Variants in C2CD3 observed in about 807,000 individuals in gnomAD.
The protein encoded by C2CD3 is C2 domain-containing protein 3.
C2CD3 carries 148 observed loss-of-function variants against 234.0 expected under a neutral mutation model. The observed-to-expected ratio is 0.63, with a 90% CI of 0.55 to 0.72. The LOEUF (loss-of-function observed/expected upper bound fraction) is 0.72, where lower values mean the gene tolerates loss of function less well. C2CD3 is among the 30% of genes least tolerant of loss of function. C2CD3 has a pLI of 0.00. For missense variants in C2CD3, 2,577 were observed against 2,811.5 expected (o/e 0.92, Z 1.89); for synonymous variants, 1,000 against 1,035.4 (o/e 0.97, Z 0.66).
chr11:74,153,747 G>C (rs1855833446), intron 3 of C2CD3, among the ~76,000 whole-genome samples: 1 of 152,042 alleles, frequency 6.6e-6, no homozygotes, highest in Non-Finnish European at 1.5e-5. Flanking sequence ...TTTTCAATAA[G>C]AACAAAATTA....
At chr11:74,145,759 C>T (rs1270662399) in intron 3 of C2CD3, among the ~76,000 whole-genome samples, 1 of 152,156 alleles carries the variant, frequency 6.6e-6, no homozygotes, top group Non-Finnish European at 1.5e-5. Flanking sequence ...CAATCTTCCG[C>T]ATATAGCTAG....
At chr11:74,149,368 A>T (rs67802778) in intron 3 of C2CD3, among the ~76,000 whole-genome samples, 2,176 of 103,010 alleles carry the variant, frequency 0.021, 55 homozygotes, top group African/African-American at 0.09. Context: ...TAAAAAAAAA[A>T]TTTTTTTTTC....
intron 3 of C2CD3, among the ~76,000 whole-genome samples, chr11:74,149,216 TA>T (rs1299134733): frequency 6.6e-6 from 1 of 152,206 alleles, no homozygotes; most frequent in Non-Finnish European, 1.5e-5. Flanking sequence ...GCCAATATAG[TA>T]AACACTGATT....
chr11:74,091,644 T>C (rs944003192), intron 19 of C2CD3, among the ~76,000 whole-genome samples: 7 of 152,232 alleles, frequency 4.6e-5, no homozygotes, highest in Non-Finnish European at 7.3e-5. Context: ...CTCCTAACTT[T>C]AAACCCTAGC....
At chr11:74,047,665 G>C (rs1417992679) in intron 28 of C2CD3, among the ~76,000 whole-genome samples, 1 of 152,196 alleles carries the variant, frequency 6.6e-6, no homozygotes, top group East Asian at 1.9e-4. Flanking sequence ...CTGAGCTGAA[G>C]AGAAAGACAT....
chr11:74,067,323 A>G (rs1321065172), intron 24 of C2CD3, among the ~76,000 whole-genome samples: 1 of 152,104 alleles, frequency 6.6e-6, no homozygotes, highest in Non-Finnish European at 1.5e-5. Context: ...GGCATGTACA[A>G]GTTGCCAACA....
At chr11:74,133,017 G>C (rs1565331573) in intron 6 of C2CD3, 45 bp from the exon 7 acceptor site, 3 of 1,593,244 alleles carry the variant, frequency 1.9e-6, no homozygotes, top group Non-Finnish European at 2.6e-6. Context: ...CTAACAGATG[G>C]AAAAAATCTA....
chr11:74,104,177 G>C (rs1956425471), intron 13 of C2CD3, among the ~76,000 whole-genome samples: 1 of 152,046 alleles, frequency 6.6e-6, no homozygotes, highest in African/African-American at 2.4e-5. Flanking sequence ...AAAATAACTG[G>C]CATTACTTAA....
intron 24 of C2CD3, chr11:74,070,516 C>CT (rs1954745111): frequency 6.6e-6 from 1 of 152,192 alleles, no homozygotes; most frequent in Non-Finnish European, 1.5e-5. Context: ...CAGAAAGTTT[C>CT]TGTCGCCTGT....
At chr11:74,134,134 G>A (rs906386722) in intron 5 of C2CD3, among the ~76,000 whole-genome samples, 1 of 152,138 alleles carries the variant, frequency 6.6e-6, no homozygotes, top group Non-Finnish European at 1.5e-5. Context: ...GTATTTTAAC[G>A]TGTATTACTC....
At chr11:74,142,028 C>G (rs1374403361) in intron 3 of C2CD3, 2 of 152,644 alleles carry the variant, frequency 1.3e-5, no homozygotes, top group Non-Finnish European at 2.9e-5. Flanking sequence ...TCCTCCCCCA[C>G]AAAAACACCC....
chr11:74,034,713 C>A, intron 30 of C2CD3: 3 of 915,630 alleles, frequency 3.3e-6, no homozygotes, highest in Non-Finnish European at 5.3e-6. Context: ...ATATCTATCA[C>A]CCATATGATA....
At chr11:74,156,970 C>G (rs1284744128) in intron 3 of C2CD3, among the ~76,000 whole-genome samples, 1 of 152,078 alleles carries the variant, frequency 6.6e-6, no homozygotes. Context: ...GACTCTGTCT[C>G]AAAAAAACCC....
At chr11:74,127,555 G>A (rs1285781519) in intron 7 of C2CD3, among the ~76,000 whole-genome samples, 1 of 151,416 alleles carries the variant, frequency 6.6e-6, no homozygotes, top group East Asian at 1.9e-4. Context: ...TTACATAGAT[G>A]TATGTTGTAG....
chr11:74,080,668 G>A (rs1955308639), intron 22 of C2CD3, among the ~76,000 whole-genome samples: 1 of 152,174 alleles, frequency 6.6e-6, no homozygotes, highest in East Asian at 1.9e-4. Flanking sequence ...TATCTAAAAG[G>A]TTTATATCCA....
intron 23 of C2CD3, 143 bp downstream of exon 23, chr11:74,077,972 A>G: frequency 1.0e-6 from 1 of 969,586 alleles, no homozygotes; most frequent in Non-Finnish European, 1.5e-6. Flanking sequence ...CTCCTTTTTT[A>G]TGAATGTAAA....
chr11:74,068,022 G>C (rs1275613223), intron 24 of C2CD3, among the ~76,000 whole-genome samples: 1 of 152,202 alleles, frequency 6.6e-6, no homozygotes. Context: ...CAATGGCTAT[G>C]ACGAGAGCTT....
intron 32 of C2CD3, among the ~76,000 whole-genome samples, chr11:74,020,194 G>A (rs1952030202): frequency 6.6e-6 from 1 of 152,216 alleles, no homozygotes; most frequent in Admixed American, 6.5e-5. Flanking sequence ...GTAAAGAAGT[G>A]CCATGTGGAC....
intron 18 of C2CD3, 58 bp from the exon 19 acceptor site, chr11:74,092,646 G>T: frequency 1.4e-6 from 2 of 1,440,922 alleles, no homozygotes; most frequent in Non-Finnish European, 1.9e-6. Context: ...GATTCAGTCT[G>T]CCCCACAGAT....
Sources: allele counts gnomAD v4.1 joint callset (sites outside exome capture counted in the v4.1 genomes callset), GRCh38; gene constraint gnomAD v4.1.1; transcripts MANE v1.5; gene names NCBI Gene and HGNC (gene_info 2026-07-23, HGNC 2026-07-21).